The following MED13L variants were observed in gnomAD, a reference collection of about 807,000 sequenced individuals.
The protein encoded by MED13L is mediator of RNA polymerase II transcription subunit 13-like.
A neutral mutation model predicts 220.9 loss-of-function variants in MED13L; 7 were observed. The observed-to-expected ratio is 0.03, with a 90% CI of 0.02 to 0.06. The LOEUF is 0.06. Among genes scored for constraint, MED13L ranks in the 10% least tolerant of loss-of-function variants. MED13L has a pLI of 1.00. For missense variants in MED13L, 1,965 were observed against 2,760.5 expected (o/e 0.71, Z 6.46); for synonymous variants, 1,011 against 1,015.2 (o/e 1.00, Z 0.08).
At chr12:116,096,285 G>C (rs1872625471) in intron 4 of MED13L, among the ~76,000 whole-genome samples, 1 of 141,566 alleles carries the variant, frequency 7.1e-6, no homozygotes, top group Non-Finnish European at 1.5e-5. Context: ...AGCCTGGGAA[G>C]TCGAGGCTGA....
intron 1 of MED13L, among the ~76,000 whole-genome samples, chr12:116,250,856 T>C (rs948498350): frequency 6.7e-6 from 1 of 148,726 alleles, no homozygotes; most frequent in Non-Finnish European, 1.5e-5. Context: ...ACAGCAAAAA[T>C]GATAATGCCT....
chr12:116,215,135 T>C (rs1359917200), intron 2 of MED13L, among the ~76,000 whole-genome samples: 3 of 152,236 alleles, frequency 2.0e-5, no homozygotes, highest in Non-Finnish European at 2.9e-5. Flanking sequence ...TAAAATATCT[T>C]ATTTTTGCTT....
At chr12:116,185,346 ATTCT>A (rs145262494) in intron 2 of MED13L, among the ~76,000 whole-genome samples, 3,015 of 152,006 alleles carry the variant, frequency 0.02, 57 homozygotes, top group Middle Eastern at 0.051. Flanking sequence ...ACACAAGTTC[ATTCT>A]TTTTTTTTTT....
At chr12:116,146,288 A>T (rs1466144207) in intron 2 of MED13L, among the ~76,000 whole-genome samples, 1 of 151,924 alleles carries the variant, frequency 6.6e-6, no homozygotes. Context: ...ATGCCCAGCT[A>T]ATTTTTATGT....
At chr12:116,194,360 T>C (rs889600933) in intron 2 of MED13L, among the ~76,000 whole-genome samples, 6 of 152,012 alleles carry the variant, frequency 3.9e-5, no homozygotes, top group African/African-American at 1.4e-4. Context: ...AGACAGGGTT[T>C]CTCCATGTTG....
At chr12:116,242,758 T>C (rs1051102296) in intron 1 of MED13L, among the ~76,000 whole-genome samples, 8 of 152,126 alleles carry the variant, frequency 5.3e-5, no homozygotes, top group African/African-American at 1.9e-4. Context: ...CTCAGAAAGG[T>C]TGAATAATTC....
intron 4 of MED13L, among the ~76,000 whole-genome samples, chr12:116,038,204 T>C (rs1204674216): frequency 4.0e-5 from 6 of 151,748 alleles, no homozygotes; most frequent in Admixed American, 6.6e-5. Flanking sequence ...AAACCTTTCA[T>C]CCGTTTTGGA....
At chr12:116,048,727 A>G (rs1458347847) in intron 4 of MED13L, among the ~76,000 whole-genome samples, 1 of 152,176 alleles carries the variant, frequency 6.6e-6, no homozygotes, top group African/African-American at 2.4e-5. Flanking sequence ...AGAAGTTATC[A>G]ATATTTTACT....
chr12:115,975,289 T>C lies in MED13L; in HGVS notation c.5613A>G (p.Ala1871=). The C allele has an allele frequency of 6.2e-7, 1 of 1,614,114 alleles. No homozygotes were observed. The highest frequency in any genetic ancestry group is 1.3e-5 in the African/African-American group (1 of 75,014). The change falls in exon 25 of 31, where the codon GCA becomes GCG. Residue 1871 remains alanine, a synonymous_variant. Coordinates refer to ENST00000281928, the MANE Select transcript of MED13L (RefSeq NM_015335.5). The part of the protein sequence containing the change: ...PNRSRRSKVS[A]RKIGLQKLWE... Reference sequence around the variant, plus strand: ...ATAACTTCTGTAGTCCAATTTTACGTGCAGATACTTTACTCCTCCGTGACC... The same window carrying C: ...ATAACTTCTGTAGTCCAATTTTACGCGCAGATACTTTACTCCTCCGTGACC...
intron 7 of MED13L, among the ~76,000 whole-genome samples, chr12:116,015,756 T>C (rs1195635879): frequency 6.6e-6 from 1 of 152,206 alleles, no homozygotes; most frequent in African/African-American, 2.4e-5. Context: ...CACAGTGCCC[T>C]GGGTAGGAAA....
chr12:115,982,607 G>A lies in MED13L; in HGVS notation c.4956-4C>T, dbSNP rs1877404591. ...TATTCTCTCCCTTTCTGTAACACTG[G>A]AGAGAGAGTCACTTGTGAGATGCAC... On this transcript the variant is annotated splice_polypyrimidine_tract_variant and splice_region_variant and intron_variant, in intron 21 of 30. Transcript: ENST00000281928. The A allele has an allele frequency of 1.9e-6, 3 of 1,608,228 alleles. No homozygotes were observed. The highest frequency in any genetic ancestry group is 1.7e-5 in the Admixed American group (1 of 59,954).
At chr12:116,094,389 G>T (rs2137805515) in intron 4 of MED13L, among the ~76,000 whole-genome samples, 1 of 152,234 alleles carries the variant, frequency 6.6e-6, no homozygotes, top group East Asian at 1.9e-4. Flanking sequence ...CAATTACAGT[G>T]CTCATATATC....
intron 2 of MED13L, among the ~76,000 whole-genome samples, chr12:116,223,652 A>G (rs1868664049): frequency 6.6e-6 from 1 of 152,142 alleles, no homozygotes; most frequent in African/African-American, 2.4e-5. Flanking sequence ...TGCGGTGAGC[A>G]GAGATCACAC....
At chr12:116,129,016 T>C (rs1275830275) in intron 2 of MED13L, among the ~76,000 whole-genome samples, 1 of 152,236 alleles carries the variant, frequency 6.6e-6, no homozygotes, top group Non-Finnish European at 1.5e-5. Context: ...AGTAATTTTA[T>C]ATTATTTTCT....
chr12:116,067,357 T>A, intron 4 of MED13L, among the ~76,000 whole-genome samples: 1 of 152,088 alleles, frequency 6.6e-6, no homozygotes, highest in East Asian at 1.9e-4. Flanking sequence ...ATATATGAAG[T>A]TGGAATTTTC....
At chr12:116,123,919 G>A (rs887279777) in intron 2 of MED13L, among the ~76,000 whole-genome samples, 3 of 151,888 alleles carry the variant, frequency 2.0e-5, no homozygotes, top group Non-Finnish European at 2.9e-5. Context: ...CTTTCATTTC[G>A]TACATCAGGC....
chr12:116,002,362 A>C (rs1396254959), intron 14 of MED13L, among the ~76,000 whole-genome samples: 2 of 152,192 alleles, frequency 1.3e-5, no homozygotes, highest in African/African-American at 4.8e-5. Flanking sequence ...TTACCAGCTG[A>C]AGTTAATGAG....
chr12:116,030,539 AAT>A (rs894458774), intron 4 of MED13L, among the ~76,000 whole-genome samples: 1 of 152,196 alleles, frequency 6.6e-6, no homozygotes, highest in Non-Finnish European at 1.5e-5. Context: ...TAATAACAAA[AAT>A]ATGTATTATT....
chr12:116,128,908 G>A (rs1875828105), intron 2 of MED13L, among the ~76,000 whole-genome samples: 1 of 152,006 alleles, frequency 6.6e-6, no homozygotes, highest in African/African-American at 2.4e-5. Flanking sequence ...TACAAAGGTT[G>A]AGGAATCTTT....
Sources: gnomAD v4.1 joint callset for allele counts (sites outside exome capture counted in the v4.1 genomes callset) on GRCh38, gnomAD v4.1.1 for gene constraint, MANE v1.5 for transcripts, NCBI Gene and HGNC (gene_info 2026-07-23, HGNC 2026-07-21) for gene names.